MYCBP2: variants seen among roughly 807,000 people sequenced by gnomAD.
MYCBP2 encodes the protein E3 ubiquitin-protein ligase MYCBP2.
In MYCBP2, 120 loss-of-function variants were observed where a neutral mutation model predicts 525.3. That is an observed-to-expected ratio of 0.23 (90% CI 0.20 to 0.27). The LOEUF (loss-of-function observed/expected upper bound fraction) is 0.27. MYCBP2 is among the 10% of genes least tolerant of loss of function. The pLI is 1.00. For missense variants in MYCBP2, 4,149 were observed against 5,657.1 expected, an observed-to-expected ratio of 0.73 and a Z score of 8.55; for synonymous variants, 1,894 against 1,955.8, an observed-to-expected ratio of 0.97 and a Z score of 0.83.
rs763528738 is a variant in MYCBP2, at chr13:77,098,199, A to C, written c.8955T>G (p.Ser2985=). ...PLKDEQEMRA[S]PKISRKCANR... is the part of the protein sequence containing the mutation. ...TAGCACATTTTCGACTTATTTTGGG[A>C]GATGCTCTCATTTCCTGTTCATCTT... is the stretch of plus-strand genomic sequence containing the variant. The change falls in exon 56 of 83, where the codon TCT becomes TCG. Residue 2985 remains serine (S), a synonymous_variant. Coordinates refer to ENST00000544440, the MANE Select transcript of MYCBP2 (RefSeq NM_015057.5). 6.8e-6 allele frequency: 11 copies of C among 1,613,500 alleles called. No individual in the cohort carries two copies.
chr13:77,267,484 A>G (rs1022598060), intron 8 of MYCBP2, among the ~76,000 whole-genome samples: 2 of 152,132 alleles, frequency 1.3e-5, no homozygotes, highest in South Asian at 2.1e-4. Flanking sequence ...TGTTAAAGTA[A>G]AAATAAACAG....
intron 26 of MYCBP2, among the ~76,000 whole-genome samples, chr13:77,200,454 T>A (rs1309421736): frequency 6.6e-6 from 1 of 151,770 alleles, no homozygotes; most frequent in Non-Finnish European, 1.5e-5. Flanking sequence ...TGGAACCAAG[T>A]TGGAAAACAC....
In MYCBP2 at chr13:77,189,064, C is replaced by T. The variant is rs1555393744; in HGVS notation, c.4155-17G>A. On this transcript the variant is annotated splice_polypyrimidine_tract_variant and intron_variant, in intron 29 of 82. Coordinates refer to ENST00000544440, the MANE Select transcript of MYCBP2 (RefSeq NM_015057.5). ...GTTGGAAGTCTAAAGGCAGTAGACA[C>T]ATATAAAATTATGTTAGAAAGTCCA... 1.3e-6 allele frequency: 2 copies of T among 1,547,228 alleles called. No individual in the cohort carries two copies. The highest frequency in any genetic ancestry group is 1.2e-5 in the South Asian group (1 of 82,696).
intron 23 of MYCBP2, among the ~76,000 whole-genome samples, chr13:77,208,457 A>T (rs2063604989): frequency 6.6e-6 from 1 of 152,052 alleles, no homozygotes; most frequent in South Asian, 2.1e-4. Flanking sequence ...TCGTAATATT[A>T]AAAAAAATCT....
intron 29 of MYCBP2, 66 bp from the exon 30 acceptor site, chr13:77,189,113 A>G: frequency 8.7e-7 from 1 of 1,143,704 alleles, no homozygotes; most frequent in Non-Finnish European, 1.2e-6. Flanking sequence ...TTTTTAAAGT[A>G]TATTATACAT....
intron 26 of MYCBP2, among the ~76,000 whole-genome samples, chr13:77,197,463 G>A (rs1046938307): frequency 6.6e-6 from 1 of 152,148 alleles, no homozygotes; most frequent in African/African-American, 2.4e-5. Context: ...CATGAATTCA[G>A]TTGAGATATT....
At chr13:77,226,370 T>G (rs1378914206) in intron 18 of MYCBP2, among the ~76,000 whole-genome samples, 2 of 152,186 alleles carry the variant, frequency 1.3e-5, no homozygotes, top group Non-Finnish European at 2.9e-5. Context: ...AATATAAAAA[T>G]TTTTGTTTGG....
intron 3 of MYCBP2, among the ~76,000 whole-genome samples, chr13:77,286,367 T>C (rs748210555): frequency 1.3e-5 from 2 of 152,150 alleles, no homozygotes; most frequent in Non-Finnish European, 2.9e-5. Flanking sequence ...AAAAGCAATA[T>C]GCATAAGTCA....
intron 3 of MYCBP2, among the ~76,000 whole-genome samples, chr13:77,285,910 AAAGG>A (rs1469788701): frequency 6.6e-6 from 1 of 151,786 alleles, no homozygotes; most frequent in Non-Finnish European, 1.5e-5. Context: ...AAAGGAAAGC[AAAGG>A]AAGGAAGGAA....
chr13:77,151,810 T>C (rs1011880812), intron 46 of MYCBP2, among the ~76,000 whole-genome samples: 1 of 152,244 alleles, frequency 6.6e-6, no homozygotes, highest in South Asian at 2.1e-4. Context: ...TTAGAAATAT[T>C]TCCCAGAAAT....
intron 23 of MYCBP2, among the ~76,000 whole-genome samples, chr13:77,208,827 T>G (rs1405093663): frequency 6.6e-6 from 1 of 152,218 alleles, no homozygotes; most frequent in Non-Finnish European, 1.5e-5. Context: ...ATTATTTGTG[T>G]AAATTTGTAT....
chr13:77,142,714 G>A (rs1335934633), intron 49 of MYCBP2, among the ~76,000 whole-genome samples: 2 of 152,162 alleles, frequency 1.3e-5, no homozygotes, highest in African/African-American at 4.8e-5. Flanking sequence ...TGTCTCAAGT[G>A]AGACTACCAT....
chr13:77,273,691 T>C (rs759119448), intron 4 of MYCBP2, 23 bp from the exon 5 acceptor site: 2 of 1,445,118 alleles, frequency 1.4e-6, no homozygotes, highest in Non-Finnish European at 1.8e-6. Flanking sequence ...TAGAATTCAA[T>C]TATATTCATC....
chr13:77,267,970 A>G, intron 7 of MYCBP2, 33 bp from the exon 8 acceptor site: 1 of 1,422,220 alleles, frequency 7.0e-7, no homozygotes, highest in Non-Finnish European at 9.9e-7. Flanking sequence ...CTGTTAAAAT[A>G]TTTATTACTA....
intron 52 of MYCBP2, among the ~76,000 whole-genome samples, chr13:77,128,480 C>G (rs1304076856): frequency 6.6e-6 from 1 of 151,790 alleles, no homozygotes; most frequent in Admixed American, 6.6e-5. Context: ...GGAGTTAAGC[C>G]TTGGCACAAC....
chr13:77,198,256 A>C (rs1012441703), intron 26 of MYCBP2, among the ~76,000 whole-genome samples: 9 of 152,208 alleles, frequency 5.9e-5, no homozygotes, highest in African/African-American at 1.9e-4. Context: ...TACTCCATAT[A>C]ACTATAGGAG....
intron 21 of MYCBP2, among the ~76,000 whole-genome samples, chr13:77,215,388 GTT>G (rs2064678616): frequency 6.6e-6 from 1 of 152,076 alleles, no homozygotes; most frequent in Non-Finnish European, 1.5e-5. Context: ...CTTTCAGTGA[GTT>G]TGTTTTTTTG....
At chr13:77,094,321 G>C (rs1160525916) in intron 58 of MYCBP2, among the ~76,000 whole-genome samples, 1 of 152,134 alleles carries the variant, frequency 6.6e-6, no homozygotes, top group Non-Finnish European at 1.5e-5. Context: ...GAAAGTACAG[G>C]CTGCACCACT....
Position 77,150,792 on chromosome 13 carries a change from A to C in MYCBP2, c.7073T>G (p.Val2358Gly), listed in dbSNP as rs765536672. 3 of 1,614,008 alleles carry C rather than the reference A, an allele frequency of 1.9e-6. No homozygotes were observed. Among genetic ancestry groups the C allele is most frequent in the Admixed American group, 3.3e-5 (2 of 60,006 alleles). Residue 2358 changes from valine (V) to glycine (G), a missense_variant, in exon 47 of 83, where the codon GTT becomes GGT. Val to Gly is a moderately radical substitution (Grantham distance 109, BLOSUM62 -3). This residue lies in a region of MYCBP2 where 692 missense variants were observed against 852.7 expected (regional missense o/e 0.81). Coordinates refer to ENST00000544440, the MANE Select transcript of MYCBP2 (RefSeq NM_015057.5). ...YGGLASPKLD[V>G]SYEPMIVKEA... ...CTTCACTATCATTGGTTCATATGAA[A>C]CATCTAGCTTTGGTGATGCCAGCCC...
Sources: allele counts gnomAD v4.1 joint callset (sites outside exome capture counted in the v4.1 genomes callset), GRCh38; gene constraint gnomAD v4.1.1; regional missense constraint gnomAD v4.1.1; transcripts MANE v1.5; gene names NCBI Gene and HGNC (gene_info 2026-07-23, HGNC 2026-07-21).